The following AGTPBP1 variants were observed in gnomAD, a reference collection of about 807,000 sequenced individuals.
AGTPBP1 encodes the protein ATP/GTP binding carboxypeptidase 1, also known as cytosolic carboxypeptidase 1.
Under a neutral mutation model 143.9 loss-of-function variants are expected in AGTPBP1, and 70 were observed. The ratio of observed to expected loss-of-function variants is 0.49; its 90% CI spans 0.40 to 0.59. The LOEUF (loss-of-function observed/expected upper bound fraction) is 0.59, where lower values mean the gene tolerates loss of function less well. Among genes scored for constraint, AGTPBP1 ranks in the 20% least tolerant of loss-of-function variants. AGTPBP1 has a pLI of 0.00. For missense variants in AGTPBP1, 1,229 were observed against 1,464.5 expected (o/e 0.84, Z 2.62); for synonymous variants, 463 against 500.2 (o/e 0.93, Z 0.99).
the AGTPBP1 span, chr9:85,764,767 C>G: frequency 2.4e-3 from 3,161 of 1,306,294 alleles, 50 homozygotes; most frequent in African/African-American, 0.037. Context: ...AACAAGACTT[C>G]TCTGAAAAGA....
rs777305825 is a variant in AGTPBP1 at position 85,642,851 on chromosome 9, G to A, written c.1278C>T (p.Phe426=). The stretch of plus-strand genomic sequence containing the variant: ...CCTGAAAATCATCAACAAGCTCAGG[G>A]AAAAGGTGTTCATACATTTTTAGAT... ...IEDLKMYEHL[F]PELVDDFQDY... is the part of the protein sequence containing the mutation. The change falls in exon 13 of 26, where the codon TTC becomes TTT. Residue 426 remains phenylalanine, a synonymous_variant. Coordinates refer to ENST00000357081, the MANE Select transcript of AGTPBP1 (RefSeq NM_001330701.2). 1.5e-5 allele frequency: 24 copies of A among 1,611,828 alleles called. No individual in the cohort carries two copies. The highest frequency in any genetic ancestry group is 2.0e-5 in the Non-Finnish European group (23 of 1,179,260).
intron 25 of AGTPBP1, among the ~76,000 whole-genome samples, chr9:85,565,495 C>T (rs918376173): frequency 8.6e-5 from 13 of 151,976 alleles, no homozygotes; most frequent in Non-Finnish European, 1.9e-4. Flanking sequence ...TTTCACATTA[C>T]GACCAGGAAA....
the AGTPBP1 span, among the ~76,000 whole-genome samples, chr9:85,802,128 A>C: frequency 6.6e-6 from 1 of 152,106 alleles, no homozygotes; most frequent in Admixed American, 6.5e-5. Flanking sequence ...CCTCTAATTT[A>C]ATTCAAGCCT....
At chr9:85,744,184 G>C (rs907996548), upstream of AGTPBP1, among the ~76,000 whole-genome samples, 2 of 151,968 alleles carry the variant, frequency 1.3e-5, no homozygotes, top group Non-Finnish European at 2.9e-5. Context: ...TCCTGCCTTA[G>C]CCTCCCAAAA....
the AGTPBP1 span, among the ~76,000 whole-genome samples, chr9:85,766,563 A>C: frequency 6.6e-6 from 1 of 152,122 alleles, no homozygotes; most frequent in Non-Finnish European, 1.5e-5. Context: ...GTGAAAATAT[A>C]GTATGGTGCA....
At chr9:85,689,484 TACTC>T (rs1005498110) in intron 3 of AGTPBP1, among the ~76,000 whole-genome samples, 18 of 152,198 alleles carry the variant, frequency 1.2e-4, no homozygotes, top group African/African-American at 4.1e-4. Context: ...TATCAAAAAT[TACTC>T]ACACATTCTC....
chr9:85,605,996 C>A (rs1303633532), intron 17 of AGTPBP1, among the ~76,000 whole-genome samples: 1 of 151,754 alleles, frequency 6.6e-6, no homozygotes, highest in Non-Finnish European at 1.5e-5. Context: ...AAGAGAGGAC[C>A]ACAAAACAAT....
intron 1 of AGTPBP1, among the ~76,000 whole-genome samples, chr9:85,718,545 G>A (rs1293322839): frequency 6.6e-6 from 1 of 152,148 alleles, no homozygotes; most frequent in African/African-American, 2.4e-5. Flanking sequence ...ATATGTTTAA[G>A]TTCTTTGTAG....
intron 8 of AGTPBP1, 27 bp downstream of exon 8, chr9:85,669,458 A>T: frequency 1.4e-6 from 2 of 1,434,966 alleles, no homozygotes; most frequent in Non-Finnish European, 9.8e-7. Flanking sequence ...GGCTATACCT[A>T]TGTTTACATT....
the AGTPBP1 span, among the ~76,000 whole-genome samples, chr9:85,770,061 TTGTGTGTGTG>T: frequency 6.7e-6 from 1 of 148,280 alleles, no homozygotes; most frequent in Admixed American, 6.7e-5. Flanking sequence ...TGTTAATCTG[TTGTGTGTGTG>T]TGTGTGTGTG....
intron 2 of AGTPBP1, among the ~76,000 whole-genome samples, chr9:85,703,760 T>C (rs565540914): frequency 5.3e-4 from 81 of 152,300 alleles, no homozygotes; most frequent in Admixed American, 1.8e-3. Context: ...TCTAAATCAA[T>C]AGGACTCAAA....
At position 85,596,403 on chromosome 9, in the gene AGTPBP1, T is replaced by C. The variant is rs768516291; in HGVS notation, c.2382A>G (p.Arg794=). 2 of 1,611,444 alleles carry C rather than the reference T, an allele frequency of 1.2e-6. No homozygotes were observed. Among genetic ancestry groups the C allele is most frequent in the African/African-American group, 2.7e-5 (2 of 74,906 alleles). ...CAGTCCCCATACGAATCCACCATGG[T>C]CTGGCATTTAATGCTTCCTGAACCG... ...MYSVQEALNA[R]PWWIRMGTDI... Residue 794 remains arginine (R), a synonymous_variant, in exon 18 of 26, where the codon AGA becomes AGG. Transcript: ENST00000357081.
chr9:85,595,613 G>A (rs555727120), intron 18 of AGTPBP1, among the ~76,000 whole-genome samples: 23 of 152,110 alleles, frequency 1.5e-4, no homozygotes, highest in South Asian at 1.0e-3. Flanking sequence ...TGCAACCTCC[G>A]CCTCCCGGGT....
intron 6 of AGTPBP1, among the ~76,000 whole-genome samples, chr9:85,673,015 G>T (rs527300269): frequency 6.6e-6 from 1 of 152,216 alleles, no homozygotes; most frequent in South Asian, 2.1e-4. Flanking sequence ...GATTACACGT[G>T]TGAGTCACTG....
chr9:85,605,813 C>T (rs549481892), intron 17 of AGTPBP1, among the ~76,000 whole-genome samples: 5 of 152,038 alleles, frequency 3.3e-5, no homozygotes, highest in African/African-American at 9.6e-5. Context: ...TTTGTTTTTA[C>T]AATCCATGTT....
At chr9:85,590,083 T>G (rs4645620) in intron 19 of AGTPBP1, among the ~76,000 whole-genome samples, 22,098 of 152,110 alleles carry the variant, frequency 0.15, 2,292 homozygotes, top group East Asian at 0.51. Flanking sequence ...AATAGACCTG[T>G]AACAGCAACA....
At chr9:85,687,280 T>C (rs529290242) in intron 3 of AGTPBP1, among the ~76,000 whole-genome samples, 6 of 152,330 alleles carry the variant, frequency 3.9e-5, no homozygotes, top group African/African-American at 1.2e-4. Flanking sequence ...AATTTAATAA[T>C]ATTTTAACAC....
intron 12 of AGTPBP1, 107 bp from the exon 13 acceptor site, chr9:85,643,050 A>T (rs1220607482): frequency 1.4e-6 from 1 of 714,688 alleles, no homozygotes; most frequent in African/African-American, 1.8e-5. Context: ...ATGTAATTAA[A>T]GAATAATTAC....
chr9:85,757,082 A>T, the AGTPBP1 span, among the ~76,000 whole-genome samples: 1 of 152,000 alleles, frequency 6.6e-6, no homozygotes, highest in Admixed American at 6.6e-5. Context: ...ATTGAATTAT[A>T]TACTTTATTA....
Sources: gnomAD v4.1 joint callset for allele counts (sites outside exome capture counted in the v4.1 genomes callset) on GRCh38, gnomAD v4.1.1 for gene constraint, MANE v1.5 for transcripts, NCBI Gene and HGNC (gene_info 2026-07-23, HGNC 2026-07-21) for gene names.